The following KIAA1217 variants were observed in gnomAD, a reference collection of about 807,000 sequenced individuals.
The protein encoded by KIAA1217 is sickle tail protein homolog.
KIAA1217 carries 88 observed loss-of-function variants against 163.9 expected under a neutral mutation model. The ratio of observed to expected loss-of-function variants is 0.54; its 90% CI spans 0.45 to 0.64. The LOEUF (loss-of-function observed/expected upper bound fraction) is 0.64, where lower values mean the gene tolerates loss of function less well. Among genes scored for constraint, KIAA1217 ranks in the 30% least tolerant of loss-of-function variants. The probability of loss-of-function intolerance (pLI) is 0.00; values close to 1 mark genes in which losing one functional copy is unlikely to be tolerated. For missense variants in KIAA1217, 2,372 were observed against 2,475.0 expected (o/e 0.96, Z 0.88); for synonymous variants, 903 against 923.1 (o/e 0.98, Z 0.39).
chr10:23,934,579 ATATATATATATGTATATATATATATATG>A (rs1843417183), intron 1 of KIAA1217, among the ~76,000 whole-genome samples: 2 of 59,784 alleles, frequency 3.3e-5, no homozygotes, highest in East Asian at 3.0e-4. Flanking sequence ...ATATATATAT[ATATATATATATGTATATATATATATATG>A]TATATATATA....
At chr10:24,448,579 A>G (rs974460431) in intron 5 of KIAA1217, among the ~76,000 whole-genome samples, 10 of 152,108 alleles carry the variant, frequency 6.6e-5, no homozygotes, top group Non-Finnish European at 1.2e-4. Context: ...GTAGAGACAC[A>G]GTCTCCCTAT....
At chr10:24,457,773 G>A (rs2061957534) in intron 5 of KIAA1217, among the ~76,000 whole-genome samples, 1 of 151,988 alleles carries the variant, frequency 6.6e-6, no homozygotes, top group Non-Finnish European at 1.5e-5. Flanking sequence ...CATCCTGTGT[G>A]GGAAGGAAGT....
chr10:23,776,112 G>T (rs528971137), intron 1 of KIAA1217, among the ~76,000 whole-genome samples: 2 of 152,130 alleles, frequency 1.3e-5, no homozygotes, highest in South Asian at 4.2e-4. Context: ...GAATTACATT[G>T]GATCAGTGCC....
chr10:24,248,612 A>C (rs188753875), intron 2 of KIAA1217, among the ~76,000 whole-genome samples: 2,397 of 138,818 alleles, frequency 0.017, 34 homozygotes, highest in Non-Finnish European at 0.026. Flanking sequence ...CGGAGGTTGC[A>C]GTGAGCCGAG....
At chr10:23,840,743 C>T (rs771908023) in intron 1 of KIAA1217, among the ~76,000 whole-genome samples, 3 of 152,116 alleles carry the variant, frequency 2.0e-5, no homozygotes, top group South Asian at 2.1e-4. Flanking sequence ...TACATTCTCC[C>T]GAATTCCTAA....
At chr10:24,078,477 A>G (rs186829000) in intron 2 of KIAA1217, among the ~76,000 whole-genome samples, 65 of 152,346 alleles carry the variant, frequency 4.3e-4, no homozygotes, top group African/African-American at 1.5e-3. Context: ...TACACGGCAC[A>G]CTTTTCTCTT....
At chr10:24,027,726 A>T (rs2131529927) in intron 2 of KIAA1217, among the ~76,000 whole-genome samples, 1 of 152,282 alleles carries the variant, frequency 6.6e-6, no homozygotes, top group South Asian at 2.1e-4. Context: ...TGAAAATTTT[A>T]ATAGGTTTTA....
intron 1 of KIAA1217, among the ~76,000 whole-genome samples, chr10:23,766,875 A>C (rs1450243026): frequency 6.6e-6 from 1 of 152,152 alleles, no homozygotes; most frequent in East Asian, 1.9e-4. Context: ...TACAGGCGTG[A>C]GCCATCATGC....
At chr10:24,148,565 G>T (rs758494356) in intron 2 of KIAA1217, among the ~76,000 whole-genome samples, 2 of 152,050 alleles carry the variant, frequency 1.3e-5, no homozygotes, top group Non-Finnish European at 2.9e-5. Context: ...CGCAAGAGTT[G>T]GTTGTTTAAG....
Position 24,085,148 on chromosome 10 carries a change from G to T in KIAA1217, c.-171+77774G>T, listed in dbSNP as rs544874340. ...CCAGGATGGTCTCGATCTCCTGACC[G>T]CGTGATCCGCCTGCCTCAGCCTCCC... On this transcript the variant is annotated intron_variant, in intron 2 of 18. Transcript: ENST00000376462. 7.2e-5 allele frequency among the ~76,000 whole-genome samples: 11 copies of T among 152,028 alleles called. No homozygotes were observed. The South Asian group carries it at 2.1e-3, about 29-fold the overall frequency.
At chr10:24,359,214 C>T (rs994374056) in intron 2 of KIAA1217, among the ~76,000 whole-genome samples, 3 of 151,850 alleles carry the variant, frequency 2.0e-5, no homozygotes, top group African/African-American at 2.4e-5. Flanking sequence ...CTCAGCCTCC[C>T]AAGTAGCTGG....
At chr10:24,542,579 A>G in intron 17 of KIAA1217, 114 bp from the exon 18 acceptor site, 2 of 1,545,892 alleles carry the variant, frequency 1.3e-6, no homozygotes, top group Non-Finnish European at 1.8e-6. Flanking sequence ...TGTGTAAGAA[A>G]TATGCGTGGC....
intron 5 of KIAA1217, among the ~76,000 whole-genome samples, chr10:24,455,491 A>G (rs2061698398): frequency 6.6e-6 from 1 of 152,226 alleles, no homozygotes; most frequent in Admixed American, 6.5e-5. Context: ...GAACCATGCT[A>G]AAGCACCCAG....
intron 19 of KIAA1217, 49 bp from the exon 20 acceptor site, chr10:24,544,932 A>G: frequency 6.3e-7 from 1 of 1,597,670 alleles, no homozygotes; most frequent in South Asian, 1.1e-5. Context: ...CAGATGACCT[A>G]CTCATGCGCT....
chr10:23,829,161 GC>G (rs1838053642), intron 1 of KIAA1217, among the ~76,000 whole-genome samples: 2 of 152,158 alleles, frequency 1.3e-5, no homozygotes, highest in African/African-American at 4.8e-5. Flanking sequence ...GCTGCAAAGA[GC>G]ATTTTCAGAT....
chr10:23,696,783 T>C (rs1469518854), intron 1 of KIAA1217, among the ~76,000 whole-genome samples: 1 of 152,214 alleles, frequency 6.6e-6, no homozygotes, highest in Non-Finnish European at 1.5e-5. Context: ...GACGGTATCC[T>C]CCTTGAAGGC....
At chr10:24,158,688 A>G in intron 2 of KIAA1217, 2 of 508,310 alleles carry the variant, frequency 3.9e-6, no homozygotes, top group East Asian at 1.0e-4. Context: ...CTGCCATGAG[A>G]CCTCTTGCTA....
intron 1 of KIAA1217, among the ~76,000 whole-genome samples, chr10:23,860,634 A>G (rs951484786): frequency 6.6e-6 from 1 of 152,212 alleles, no homozygotes; most frequent in Non-Finnish European, 1.5e-5. Context: ...AAGCAAATAC[A>G]TTACTACTAC....
intron 6 of KIAA1217, among the ~76,000 whole-genome samples, chr10:24,489,860 CAAAAAAAAAAA>C (rs11393718): frequency 1.2e-4 from 8 of 64,926 alleles, no homozygotes; most frequent in African/African-American, 2.3e-4. Context: ...GAGAACCTGT[CAAAAAAAAAAA>C]AAAAAAAAAA....
Sources: allele counts gnomAD v4.1 joint callset (sites outside exome capture counted in the v4.1 genomes callset), GRCh38; gene constraint gnomAD v4.1.1; transcripts MANE v1.5; gene names NCBI Gene and HGNC (gene_info 2026-07-23, HGNC 2026-07-21).